Variants in KIAA1217 observed in about 807,000 individuals in gnomAD.
KIAA1217 encodes the protein KIAA1217, also known as sickle tail protein homolog.
KIAA1217 carries 88 observed loss-of-function variants against 163.9 expected under a neutral mutation model. The observed-to-expected ratio is 0.54, with a 90% confidence interval of 0.45 to 0.64. The LOEUF (loss-of-function observed/expected upper bound fraction) is 0.64. KIAA1217 is among the 30% of genes least tolerant of loss of function. The probability of loss-of-function intolerance (pLI) is 0.00; values close to 1 mark genes in which losing one functional copy is unlikely to be tolerated. For synonymous variants in KIAA1217, 903 were observed against 923.1 expected, an observed-to-expected ratio of 0.98 and a Z score of 0.39; for missense variants, 2,372 against 2,475.0, an observed-to-expected ratio of 0.96 and a Z score of 0.88.
At position 24,447,176 on chromosome 10, in the gene KIAA1217, C is replaced by T. The variant is rs191706596; in HGVS notation, c.846+8697C>T. Among the ~76,000 whole-genome samples the T allele has an allele frequency of 2.1e-4, 32 of 151,956 alleles. No homozygotes were observed. The South Asian group carries it at 4.8e-3, about 23-fold the overall frequency. On this transcript the variant is annotated intron_variant, in intron 5 of 20. Coordinates refer to ENST00000376454, the MANE Select transcript of KIAA1217 (RefSeq NM_019590.5). ...CTGACTGCACTGAGTTATTGATGCA[C>T]GCTTCTTTTTCTTTTCCTTTCACCA...
intron 3 of KIAA1217, among the ~76,000 whole-genome samples, chr10:24,422,211 C>T (rs1376232355): frequency 6.6e-6 from 1 of 152,162 alleles, no homozygotes; most frequent in Non-Finnish European, 1.5e-5. Context: ...CCAGGTCCCT[C>T]CTATGATATG....
intron 10 of KIAA1217, among the ~76,000 whole-genome samples, chr10:24,519,032 C>A (rs1225773987): frequency 6.6e-6 from 1 of 152,182 alleles, no homozygotes; most frequent in African/African-American, 2.4e-5. Flanking sequence ...CCGCAGCTGC[C>A]ATGCGATCCA....
intron 1 of KIAA1217, among the ~76,000 whole-genome samples, chr10:23,954,548 G>T (rs919149173): frequency 3.3e-5 from 5 of 150,898 alleles, no homozygotes; most frequent in African/African-American, 1.2e-4. Flanking sequence ...CTGGACACCA[G>T]AAAGAGATTC....
At chr10:24,192,379 G>T (rs2066763873) in intron 2 of KIAA1217, among the ~76,000 whole-genome samples, 1 of 152,154 alleles carries the variant, frequency 6.6e-6, no homozygotes, top group South Asian at 2.1e-4. Context: ...AGGATAAGGG[G>T]AAAGGATAAG....
intron 2 of KIAA1217, among the ~76,000 whole-genome samples, chr10:24,135,834 G>A (rs1432389584): frequency 6.6e-6 from 1 of 152,146 alleles, no homozygotes; most frequent in African/African-American, 2.4e-5. Context: ...CACTTATTTA[G>A]AGGCTGCAAT....
intron 2 of KIAA1217, among the ~76,000 whole-genome samples, chr10:24,044,192 C>T (rs1848821178): frequency 6.6e-6 from 1 of 152,080 alleles, no homozygotes; most frequent in Non-Finnish European, 1.5e-5. Context: ...TCATATAGCA[C>T]CAATAGAAAC....
chr10:23,974,645 C>T (rs1845461939), intron 1 of KIAA1217, among the ~76,000 whole-genome samples: 2 of 151,992 alleles, frequency 1.3e-5, no homozygotes, highest in South Asian at 4.2e-4. Context: ...AATATAGTGA[C>T]ACCTCGTGTC....
chr10:24,498,528 G>T (rs2067109454), intron 8 of KIAA1217, among the ~76,000 whole-genome samples: 1 of 152,154 alleles, frequency 6.6e-6, no homozygotes, highest in East Asian at 1.9e-4. Flanking sequence ...ATTCCATTAA[G>T]AAATTTGGTT....
rs1410306616 is a variant in KIAA1217 at position 23,885,397 on chromosome 10, C to T, written c.-320-121828C>T. On this transcript the variant is annotated intron_variant, in intron 1 of 18. Transcript: ENST00000376462. Reference sequence around the variant, plus strand: ...TATCCTACAGGACTGAAACTTTGTACTCTTTGACCAACATGTCCCCATTAA... The same window carrying T: ...TATCCTACAGGACTGAAACTTTGTATTCTTTGACCAACATGTCCCCATTAA... Among the ~76,000 whole-genome samples, 7 of 151,886 alleles carry T rather than the reference C, an allele frequency of 4.6e-5. No homozygotes were observed. In the South Asian group the frequency reaches 1.0e-3, roughly 22 times the overall value.
At chr10:23,822,712 T>C (rs1442166738) in intron 1 of KIAA1217, among the ~76,000 whole-genome samples, 1 of 152,178 alleles carries the variant, frequency 6.6e-6, no homozygotes, top group Non-Finnish European at 1.5e-5. Flanking sequence ...AGAAACAAAA[T>C]GCTTTGCTTA....
intron 1 of KIAA1217, among the ~76,000 whole-genome samples, chr10:23,856,531 G>A (rs1330827084): frequency 6.6e-6 from 1 of 152,214 alleles, no homozygotes; most frequent in Non-Finnish European, 1.5e-5. Context: ...GAGAACCACT[G>A]CTCTCTTCAA....
At chr10:23,774,132 C>T (rs1465204759) in intron 1 of KIAA1217, among the ~76,000 whole-genome samples, 2 of 151,950 alleles carry the variant, frequency 1.3e-5, no homozygotes, top group African/African-American at 4.8e-5. Flanking sequence ...GAGATATGTC[C>T]CATCAATACC....
intron 1 of KIAA1217, among the ~76,000 whole-genome samples, chr10:24,006,555 G>C (rs754980819): frequency 1.3e-5 from 2 of 151,998 alleles, no homozygotes; most frequent in African/African-American, 2.4e-5. Context: ...CATTCTTCTG[G>C]GTCTCCTCAA....
intron 2 of KIAA1217, among the ~76,000 whole-genome samples, chr10:24,088,211 A>G (rs566048410): frequency 1.7e-5 from 2 of 116,966 alleles, no homozygotes; most frequent in Non-Finnish European, 2.1e-5. Context: ...AGGCTCAAGG[A>G]ACATCCCAAA....
intron 3 of KIAA1217, among the ~76,000 whole-genome samples, chr10:24,420,086 C>T (rs777812777): frequency 5.3e-5 from 8 of 152,126 alleles, no homozygotes; most frequent in African/African-American, 1.2e-4. Flanking sequence ...GCTTAAAAGA[C>T]GTAGCTAGGT....
chr10:24,090,168 T>TTC (rs2061873492), intron 2 of KIAA1217, among the ~76,000 whole-genome samples: 1 of 137,420 alleles, frequency 7.3e-6, no homozygotes, highest in Non-Finnish European at 1.5e-5. Flanking sequence ...CTTTTTCTTT[T>TTC]TTTTTTTTTT....
chr10:23,767,139 CA>C (rs922861261), intron 1 of KIAA1217, among the ~76,000 whole-genome samples: 70 of 152,094 alleles, frequency 4.6e-4, no homozygotes, highest in African/African-American at 1.6e-3. Context: ...AAGAGATGGA[CA>C]AAGAAGGCTG....
At position 24,417,311 on chromosome 10, in the gene KIAA1217, A is replaced by G. The variant is rs527406256; in HGVS notation, c.554-15684A>G. On this transcript the variant is annotated intron_variant, in intron 3 of 20. Transcript: ENST00000376454. ...CCCTCCCTGGCTGGCCGTATTTCCA[A>G]CTTTGTTGCCTTCTTCAGTAGATCT... Among the ~76,000 whole-genome samples the G allele has an allele frequency of 2.6e-5, 4 of 152,192 alleles. No individual in the cohort carries two copies. The South Asian group carries it at 6.2e-4, about 24-fold the overall frequency.
chr10:24,052,900 AATC>A (rs1849620696), intron 2 of KIAA1217, among the ~76,000 whole-genome samples: 1 of 152,138 alleles, frequency 6.6e-6, no homozygotes, highest in Non-Finnish European at 1.5e-5. Context: ...TCTCTTCTAT[AATC>A]ACATAATACC....
Sources: gnomAD v4.1 joint callset for allele counts (sites outside exome capture counted in the v4.1 genomes callset) on GRCh38, gnomAD v4.1.1 for gene constraint, MANE v1.5 for transcripts, NCBI Gene and HGNC (gene_info 2026-07-23, HGNC 2026-07-21) for gene names.